The following UNC13C variants were observed in gnomAD, a reference collection of about 807,000 sequenced individuals.
UNC13C encodes the protein unc-13 homolog C.
Under a neutral mutation model 245.4 loss-of-function variants are expected in UNC13C, and 174 were observed. The observed-to-expected ratio is 0.71, with a 90% CI of 0.63 to 0.80. The LOEUF (loss-of-function observed/expected upper bound fraction) is 0.80, where lower values mean the gene tolerates loss of function less well. Ranked by LOEUF, UNC13C falls within the 30% of genes least tolerant of loss-of-function variation. UNC13C has a pLI of 0.00. For synonymous variants in UNC13C, 992 were observed against 895.1 expected, an observed-to-expected ratio of 1.11 and a Z score of -1.93; for missense variants, 2,829 against 2,602.9, an observed-to-expected ratio of 1.09 and a Z score of -1.89.
intron 12 of UNC13C, among the ~76,000 whole-genome samples, chr15:54,298,640 T>G (rs1356235498): frequency 1.3e-5 from 2 of 152,142 alleles, no homozygotes; most frequent in Non-Finnish European, 2.9e-5. Context: ...AAAAGCACAG[T>G]TTCACCAGTT....
chr15:54,094,829 G>C (rs954481907), intron 2 of UNC13C, among the ~76,000 whole-genome samples: 1 of 152,138 alleles, frequency 6.6e-6, no homozygotes, highest in African/African-American at 2.4e-5. Flanking sequence ...TTCTCTTTGG[G>C]GTTGTTGGGG....
chr15:54,238,484 T>C (rs777349237), intron 7 of UNC13C, among the ~76,000 whole-genome samples: 15 of 152,164 alleles, frequency 9.9e-5, no homozygotes, highest in Non-Finnish European at 1.3e-4. Context: ...TCCCACAGGT[T>C]ATGTTACTTC....
chr15:54,339,265 A>T (rs2038668769), intron 17 of UNC13C, among the ~76,000 whole-genome samples: 1 of 152,176 alleles, frequency 6.6e-6, no homozygotes, highest in South Asian at 2.1e-4. Context: ...TATTATTATT[A>T]TTTTAAATTT....
At chr15:54,070,664 A>T (rs1387382136) in intron 2 of UNC13C, among the ~76,000 whole-genome samples, 1 of 152,134 alleles carries the variant, frequency 6.6e-6, no homozygotes, top group Non-Finnish European at 1.5e-5. Context: ...ATGCATGTTC[A>T]TGTGACAAAA....
intron 2 of UNC13C, chr15:54,049,760 T>G: frequency 3.9e-6 from 1 of 254,768 alleles, no homozygotes; most frequent in Non-Finnish European, 8.0e-6. Flanking sequence ...AAGTATGAAA[T>G]AATCCAATAG....
intron 13 of UNC13C, among the ~76,000 whole-genome samples, chr15:54,306,771 C>A (rs373213642): frequency 1.3e-5 from 2 of 152,034 alleles, no homozygotes; most frequent in African/African-American, 4.8e-5. Context: ...AGCATTAGGT[C>A]GGTGTTTTTT....
chr15:54,426,713 T>C (rs1277774892), intron 19 of UNC13C, among the ~76,000 whole-genome samples: 1 of 151,756 alleles, frequency 6.6e-6, no homozygotes, highest in Admixed American at 6.6e-5. Flanking sequence ...TCAAAGACAT[T>C]GGCTTTAGTC....
chr15:54,351,766 C>T (rs1596267946), intron 17 of UNC13C, among the ~76,000 whole-genome samples: 1 of 151,956 alleles, frequency 6.6e-6, no homozygotes, highest in South Asian at 2.1e-4. Flanking sequence ...TAATAGTTGC[C>T]ATTTTTATTT....
At position 54,627,075 on chromosome 15, in the gene UNC13C, C is replaced by A; in HGVS notation, c.6607C>A (p.Leu2203Ile). The A allele has an allele frequency of 1.9e-6, 3 of 1,612,638 alleles. No individual in the cohort carries two copies. The highest frequency in any genetic ancestry group is 2.5e-6 in the Non-Finnish European group (3 of 1,179,218). ...TGATGTGGCTAAAGAATTTGTAAGA[C>A]TTAAATCTGAAACAAGATCTACTGA... is the stretch of plus-strand genomic sequence containing the variant. ...SDDVAKEFVR[L>I]KSETRSTEES... Residue 2203 changes from leucine to isoleucine, a missense_variant, in exon 33 of 33, where the codon CTT (leucine) becomes ATT (isoleucine). Transcript: ENST00000260323.
intron 18 of UNC13C, among the ~76,000 whole-genome samples, chr15:54,409,015 A>G (rs2040364352): frequency 6.6e-6 from 1 of 152,142 alleles, no homozygotes; most frequent in Non-Finnish European, 1.5e-5. Context: ...TAGGGACAAC[A>G]CAGATATTGG....
intron 2 of UNC13C, among the ~76,000 whole-genome samples, chr15:54,078,619 A>T (rs999484288): frequency 1.2e-4 from 18 of 152,204 alleles, no homozygotes; most frequent in African/African-American, 3.4e-4. Context: ...GGCTGCTTGT[A>T]TGGATTCTTT....
the UNC13C span, among the ~76,000 whole-genome samples, chr15:53,918,986 G>T: frequency 6.6e-6 from 1 of 152,164 alleles, no homozygotes; most frequent in African/African-American, 2.4e-5. Context: ...ATTTTAGTTT[G>T]TTTCTGATGA....
chr15:54,117,300 T>G (rs1372782891), intron 2 of UNC13C, among the ~76,000 whole-genome samples: 1 of 152,128 alleles, frequency 6.6e-6, no homozygotes, highest in Non-Finnish European at 1.5e-5. Context: ...TTTTTTTATT[T>G]TTGCTTTTGT....
At chr15:54,109,664 A>G (rs1176862095) in intron 2 of UNC13C, among the ~76,000 whole-genome samples, 1 of 152,022 alleles carries the variant, frequency 6.6e-6, no homozygotes, top group East Asian at 1.9e-4. Context: ...TTTCTAATAC[A>G]ATTGCTATTT....
At chr15:53,937,698 C>G in the UNC13C span, among the ~76,000 whole-genome samples, 1 of 152,150 alleles carries the variant, frequency 6.6e-6, no homozygotes, top group South Asian at 2.1e-4. Flanking sequence ...AGTGGAAACC[C>G]TACAAGCCAG....
chr15:53,858,928 A>G, the UNC13C span, among the ~76,000 whole-genome samples: 9 of 151,406 alleles, frequency 5.9e-5, no homozygotes, highest in African/African-American at 2.2e-4. Context: ...TTTATGCCAT[A>G]GATATATTTT....
chr15:54,451,413 A>G (rs1891169104), intron 19 of UNC13C, among the ~76,000 whole-genome samples: 1 of 151,956 alleles, frequency 6.6e-6, no homozygotes, highest in Admixed American at 6.6e-5. Flanking sequence ...GAAAATTTAC[A>G]TATTTAGTCC....
intron 9 of UNC13C, 121 bp from the exon 10 acceptor site, chr15:54,265,234 A>T: frequency 1.5e-6 from 1 of 668,454 alleles, no homozygotes; most frequent in Non-Finnish European, 2.3e-6. Flanking sequence ...ATGAGAATGA[A>T]AGCAATGGGG....
At chr15:54,552,859 TTAA>T (rs1180621456) in intron 28 of UNC13C, among the ~76,000 whole-genome samples, 1 of 42,796 alleles carries the variant, frequency 2.3e-5, no homozygotes, top group African/African-American at 2.8e-4. Context: ...ATAATATATA[TTAA>T]TATATAATAT....
Sources: gnomAD v4.1 joint callset for allele counts (sites outside exome capture counted in the v4.1 genomes callset) on GRCh38, gnomAD v4.1.1 for gene constraint, MANE v1.5 for transcripts, NCBI Gene and HGNC (gene_info 2026-07-23, HGNC 2026-07-21) for gene names.